DYNC2H1: variants seen among roughly 807,000 people sequenced by gnomAD.
The protein encoded by DYNC2H1 is dynein cytoplasmic 2 heavy chain 1.
Under a neutral mutation model 570.0 loss-of-function variants are expected in DYNC2H1, and 410 were observed. That is an observed-to-expected ratio of 0.72 (90% CI 0.66 to 0.78). DYNC2H1 has a LOEUF of 0.78. Among genes scored for constraint, DYNC2H1 ranks in the 30% least tolerant of loss-of-function variants. The pLI is 0.00. For missense variants in DYNC2H1, 4,865 were observed against 5,046.4 expected, an observed-to-expected ratio of 0.96 and a Z score of 1.09; for synonymous variants, 1,688 against 1,677.6, an observed-to-expected ratio of 1.01 and a Z score of -0.15.
intron 82 of DYNC2H1, among the ~76,000 whole-genome samples, chr11:103,331,735 G>A (rs567919430): frequency 9.6e-4 from 146 of 152,248 alleles, no homozygotes; most frequent in African/African-American, 3.3e-3. Flanking sequence ...CTACCTAACA[G>A]AAAATTTAAA....
chr11:103,450,649 C>T (rs952149247), intron 85 of DYNC2H1, among the ~76,000 whole-genome samples: 11 of 152,060 alleles, frequency 7.2e-5, no homozygotes, highest in African/African-American at 2.7e-4. Flanking sequence ...AAAATTAAAA[C>T]ACAATACATT....
chr11:103,378,772 G>A (rs1482878166), intron 83 of DYNC2H1, among the ~76,000 whole-genome samples: 1 of 152,174 alleles, frequency 6.6e-6, no homozygotes, highest in Non-Finnish European at 1.5e-5. Flanking sequence ...GACTGATAGT[G>A]TAGCTGCAGA....
chr11:103,180,949 AC>A (rs2135008200), intron 39 of DYNC2H1, among the ~76,000 whole-genome samples: 1 of 151,696 alleles, frequency 6.6e-6, no homozygotes, highest in East Asian at 1.9e-4. Flanking sequence ...TTGCTATGAA[AC>A]AATGGTGGAA....
In DYNC2H1 at chr11:103,399,705, C is replaced by T. The variant is rs376596919; in HGVS notation, c.12199C>T (p.Arg4067Ter). The T allele has an allele frequency of 7.4e-6, 12 of 1,613,428 alleles. No homozygotes were observed. Among genetic ancestry groups the T allele is most frequent in the African/African-American group, 5.3e-5 (4 of 74,912 alleles). ...IHQKVPPPND[R>*]QGSPILSFII... ...TCAGAAAGTGCCTCCTCCTAACGAT[C>T]GACAAGGATCTCCAATACTGTCATT... Residue 4067 changes from arginine (R) to a stop codon, truncating the protein, a stop_gained, in exon 84 of 89, where the codon CGA (arginine) becomes TGA (stop). Coordinates refer to ENST00000375735, the MANE Select transcript of DYNC2H1 (RefSeq NM_001377.3). LOFTEE classifies it high-confidence loss of function.
chr11:103,284,861 A>G (rs774008448), intron 73 of DYNC2H1, among the ~76,000 whole-genome samples: 4 of 152,202 alleles, frequency 2.6e-5, no homozygotes, highest in Non-Finnish European at 5.9e-5. Flanking sequence ...TCACCTTTAC[A>G]GATTTACATT....
rs1342510529 is a variant in DYNC2H1 at position 103,133,736 on chromosome 11, C to G, written c.2106+29C>G. On this transcript the variant is annotated intron_variant, in intron 14 of 88. Transcript: ENST00000375735. The surrounding 1 kb of genome is among the most constrained non-coding windows in gnomAD (Gnocchi z 4.8). The stretch of plus-strand genomic sequence containing the variant: ...TATTTTGTTTATAAAATTGAATAAG[C>G]TATGAATGATATTATTTAAAAAGTC... 2.2e-5 allele frequency: 33 copies of G among 1,523,798 alleles called. No homozygotes were observed. Among genetic ancestry groups the G allele is most frequent in the Non-Finnish European group, 2.8e-5 (32 of 1,133,306 alleles). 94.4% of individuals were successfully genotyped at this position (1,523,798 alleles called of 1,614,324 possible). A position where few individuals can be genotyped will look rare whatever the true frequency, so the allele number is the denominator to read the frequency against.
At chr11:103,174,568 A>T (rs1045868040) in intron 36 of DYNC2H1, among the ~76,000 whole-genome samples, 2 of 152,206 alleles carry the variant, frequency 1.3e-5, no homozygotes, top group Admixed American at 6.5e-5. Flanking sequence ...CTGATTCAGT[A>T]GGTGTAGAGT....
At position 103,204,703 on chromosome 11, in the gene DYNC2H1, T is replaced by C. The variant is rs1862855828; in HGVS notation, c.8312-119T>C. ...TAAAAATCATAACATAATATTGTTT[T>C]ATATTGTGCTCGTTTTAAGAAACAA... On this transcript the variant is annotated intron_variant, in intron 51 of 88. Coordinates refer to ENST00000375735, the MANE Select transcript of DYNC2H1 (RefSeq NM_001377.3). This position sits in a 1 kb window ranked among gnomAD's most constrained non-coding sequence, Gnocchi z 4.1. The C allele has an allele frequency of 1.5e-6, 1 of 668,848 alleles. No individual in the cohort carries two copies. The highest frequency in any genetic ancestry group is 2.4e-6 in the Non-Finnish European group (1 of 416,122). The allele number at this position is 668,848 out of a possible 1,614,324, so 41.4% of individuals were successfully genotyped here.
rs536624948 is a variant in DYNC2H1, at chr11:103,123,412, C to T, written c.1661+412C>T. ...CAGAGTATTTCTTCATGGTGCCCCA[C>T]GTAATATGGCTTTGGTAAATATTTA... On this transcript the variant is annotated intron_variant, in intron 11 of 88. Coordinates refer to ENST00000375735, the MANE Select transcript of DYNC2H1 (RefSeq NM_001377.3). 1.1e-4 allele frequency among the ~76,000 whole-genome samples: 17 copies of T among 152,178 alleles called. No homozygotes were observed. In the East Asian group the frequency reaches 2.7e-3, roughly 24 times the overall value.
chr11:103,347,984 A>C (rs1939834536), intron 82 of DYNC2H1, among the ~76,000 whole-genome samples: 1 of 152,154 alleles, frequency 6.6e-6, no homozygotes, highest in Admixed American at 6.6e-5. Context: ...GTGATTGCCT[A>C]GTGATAGGGG....
intron 24 of DYNC2H1, 96 bp from the exon 25 acceptor site, chr11:103,155,235 G>A (rs1860757364): frequency 1.7e-6 from 2 of 1,171,254 alleles, no homozygotes; most frequent in Non-Finnish European, 2.3e-6. Context: ...TAAAATTTTG[G>A]TAACTAATAA....
At chr11:103,292,943 G>A (rs1866673353) in intron 75 of DYNC2H1, among the ~76,000 whole-genome samples, 1 of 152,138 alleles carries the variant, frequency 6.6e-6, no homozygotes, top group African/African-American at 2.4e-5. Flanking sequence ...AGCGACACAG[G>A]AATGCCTAAC....
chr11:103,161,120 C>A, intron 29 of DYNC2H1, 76 bp downstream of exon 29: 2 of 792,044 alleles, frequency 2.5e-6, no homozygotes, highest in South Asian at 2.3e-5. Context: ...ATAATTTAGT[C>A]AATTTAGAGG....
intron 83 of DYNC2H1, among the ~76,000 whole-genome samples, chr11:103,378,180 C>T (rs894895016): frequency 2.0e-5 from 3 of 152,236 alleles, no homozygotes; most frequent in East Asian, 1.9e-4. Context: ...AAGAATTGTA[C>T]ATCTCTATCC....
At chr11:103,383,753 C>T (rs141960062) in intron 83 of DYNC2H1, among the ~76,000 whole-genome samples, 88 of 152,262 alleles carry the variant, frequency 5.8e-4, no homozygotes, top group African/African-American at 1.9e-3. Context: ...GGATTACAGA[C>T]GTGAACCACC....
chr11:103,242,901 G>C (rs606258), intron 63 of DYNC2H1, among the ~76,000 whole-genome samples: 1 of 151,618 alleles, frequency 6.6e-6, no homozygotes, highest in African/African-American at 2.4e-5. Flanking sequence ...TTGTATTTTT[G>C]GTAGAGACGG....
chr11:103,400,092 G>C (rs775176745), intron 84 of DYNC2H1, among the ~76,000 whole-genome samples: 3 of 152,196 alleles, frequency 2.0e-5, no homozygotes, highest in Non-Finnish European at 4.4e-5. Flanking sequence ...TAGCATGTCA[G>C]TTTATGTTAG....
chr11:103,411,766 A>G (rs1255323093), intron 84 of DYNC2H1, among the ~76,000 whole-genome samples: 1 of 152,092 alleles, frequency 6.6e-6, no homozygotes, highest in African/African-American at 2.4e-5. Context: ...ACAAAACTGG[A>G]TGGCTTATTT....
intron 85 of DYNC2H1, among the ~76,000 whole-genome samples, chr11:103,438,302 T>C (rs1944134556): frequency 6.6e-6 from 1 of 152,108 alleles, no homozygotes; most frequent in South Asian, 2.1e-4. Context: ...AAGGGCCCGA[T>C]AGATCCCTTG....
Sources: allele counts gnomAD v4.1 joint callset (sites outside exome capture counted in the v4.1 genomes callset), GRCh38; gene constraint gnomAD v4.1.1; non-coding constraint Gnocchi (gnomAD v3.1); transcripts MANE v1.5; gene names NCBI Gene and HGNC (gene_info 2026-07-23, HGNC 2026-07-21).